Variants in BSCL2 observed in about 807,000 individuals in gnomAD.
BSCL2 encodes BSCL2 lipid droplet biogenesis associated, seipin.
Under a neutral mutation model 57.4 loss-of-function variants are expected in BSCL2, and 41 were observed. That is an observed-to-expected ratio of 0.71 (90% CI 0.56 to 0.93). The LOEUF is 0.93. Ranked by LOEUF, BSCL2 falls within the 40% of genes least tolerant of loss-of-function variation. The pLI, the probability that BSCL2 is intolerant of heterozygous loss-of-function variation, is 0.00. For missense variants in BSCL2, 539 were observed against 586.7 expected (o/e 0.92, Z 0.84); for synonymous variants, 237 against 227.3 (o/e 1.04, Z -0.38).
Position 62,690,288 on chromosome 11 carries a change from AAT to A in BSCL2, c.*77_*78del. ...AGAGTCAAGGAAGAAGCTGACACAA[AAT>A]AGTTTATTGAAGGAAAAACGAGGGG... is the stretch of plus-strand genomic sequence containing the variant. On this transcript the variant is annotated 3_prime_UTR_variant, in exon 11 of 11. Transcript: ENST00000360796. 3 of 1,597,964 alleles carry A rather than the reference AAT, an allele frequency of 1.9e-6. No individual in the cohort carries two copies. The highest frequency in any genetic ancestry group is 2.6e-6 in the Non-Finnish European group (3 of 1,167,676).
At position 62,707,362 on chromosome 11, in the gene BSCL2, G is replaced by A. The variant is rs1334977876; in HGVS notation, c.-167C>T. 1 of 730,926 alleles carries A rather than the reference G, an allele frequency of 1.4e-6. No homozygotes were observed. The highest frequency in any genetic ancestry group is 2.4e-6 in the Non-Finnish European group (1 of 409,632). The allele number at this position is 730,926 out of a possible 1,614,324, so 45.3% of individuals were successfully genotyped here. On this transcript the variant is annotated 5_prime_UTR_variant, in exon 1 of 11. Transcript: ENST00000360796. ...CGAAGATTCAGGTGCTAAGTGCTGTGTCAGAGTAGAGGGAGGAAAGGAGGA... is the reference window on the plus strand; with the variant it reads ...CGAAGATTCAGGTGCTAAGTGCTGTATCAGAGTAGAGGGAGGAAAGGAGGA...
intron 6 of BSCL2, 44 bp downstream of exon 6, chr11:62,692,332 C>T (rs1945333333): frequency 6.3e-7 from 1 of 1,590,202 alleles, no homozygotes; most frequent in East Asian, 2.2e-5. Context: ...GAAGGTTAGC[C>T]CCCGTGAAGA....
At chr11:62,692,513 C>T (rs1225707846) in intron 5 of BSCL2, 40 bp from the exon 6 acceptor site, 2 of 1,611,026 alleles carry the variant, frequency 1.2e-6, no homozygotes, top group Admixed American at 1.7e-5. Flanking sequence ...AGGCCAGGGT[C>T]CTGCCGCTAG....
In BSCL2 at chr11:62,690,488, G is replaced by A. The variant is rs1266361176; in HGVS notation, c.1268C>T (p.Thr423Met). Residue 423 changes from threonine to methionine, a missense_variant, in exon 11 of 11, where the codon ACG becomes ATG. Coordinates refer to ENST00000360796, the MANE Select transcript of BSCL2 (RefSeq NM_001122955.4). ...AGCAGGAGCAGGCAGGTTGGCCTCCGTCAGCAAAGCTGCATCTTCCCAGGA... is the reference window on the plus strand; with the variant it reads ...AGCAGGAGCAGGCAGGTTGGCCTCCATCAGCAAAGCTGCATCTTCCCAGGA... ...SGSWEDAALLTEANLPAPAPA... is the reference protein window; with the variant it reads ...SGSWEDAALLMEANLPAPAPA... 8.1e-6 allele frequency: 13 copies of A among 1,614,146 alleles called. No individual in the cohort carries two copies. Among genetic ancestry groups the A allele is most frequent in the South Asian group, 2.2e-5 (2 of 91,086 alleles).
intron 1 of BSCL2, chr11:62,706,245 G>C (rs949745101): frequency 9.2e-7 from 1 of 1,091,934 alleles, no homozygotes; most frequent in Non-Finnish European, 1.1e-6. Context: ...GCTGCCACAG[G>C]GCTGCCGACT....
chr11:62,705,152 T>A, intron 2 of BSCL2, 149 bp downstream of exon 2: 1 of 762,358 alleles, frequency 1.3e-6, no homozygotes, highest in Non-Finnish European at 2.1e-6. Flanking sequence ...AACCCAAATC[T>A]AGCCTTGGGC....
At chr11:62,690,915 G>A in intron 8 of BSCL2, 48 bp from the exon 9 acceptor site, 1 of 1,603,696 alleles carries the variant, frequency 6.2e-7, no homozygotes, top group Non-Finnish European at 8.5e-7. Flanking sequence ...GGGTGGCTGT[G>A]CCTGGACGGC....
chr11:62,708,519 C>T, upstream of BSCL2: 1 of 1,234,520 alleles, frequency 8.1e-7, no homozygotes, highest in Non-Finnish European at 1.2e-6. Context: ...GAGTCTGGGG[C>T]TCTGTAGAGA....
rs763972632 is a variant in BSCL2 at position 62,690,444 on chromosome 11, G to A, written c.1312C>T (p.Pro438Ser). The A allele has an allele frequency of 6.8e-6, 11 of 1,614,166 alleles. No homozygotes were observed. The highest frequency in any genetic ancestry group is 1.1e-5 in the South Asian group (1 of 91,090). ...GAGCTGCCCAGAGTCTCTAGGACAGGGGCAGAAGCAGAAGCAGGAGCAGGA... is the reference window on the plus strand; with the variant it reads ...GAGCTGCCCAGAGTCTCTAGGACAGAGGCAGAAGCAGAAGCAGGAGCAGGA... ...PAPAPASASA[P>S]VLETLGSSEP... The change falls in exon 11 of 11, where the codon CCT becomes TCT. Residue 438 changes from proline (P) to serine (S), a missense_variant. Physicochemically the swap from Pro to Ser is moderately conservative, Grantham distance 74. Transcript: ENST00000360796.
chr11:62,694,504 C>T, intron 4 of BSCL2, 64 bp downstream of exon 4: 1 of 1,611,544 alleles, frequency 6.2e-7, no homozygotes, highest in South Asian at 1.1e-5. Context: ...CACACCCAGC[C>T]CCCTACCCAT....
chr11:62,695,010 A>G (rs1280815411), intron 3 of BSCL2, among the ~76,000 whole-genome samples: 1 of 152,184 alleles, frequency 6.6e-6, no homozygotes, highest in African/African-American at 2.4e-5. Context: ...CATGTTGCCA[A>G]CTGGGCCATC....
intron 6 of BSCL2, among the ~76,000 whole-genome samples, chr11:62,691,959 G>A (rs1443440406): frequency 6.6e-6 from 1 of 151,844 alleles, no homozygotes; most frequent in Non-Finnish European, 1.5e-5. Flanking sequence ...AGCTGAGGCA[G>A]GAGAATGGTG....
At chr11:62,694,392 G>A (rs1276641230) in intron 4 of BSCL2, among the ~76,000 whole-genome samples, 176 bp downstream of exon 4, 2 of 151,256 alleles carry the variant, frequency 1.3e-5, no homozygotes, top group African/African-American at 4.9e-5. Flanking sequence ...TTTTTGTAGA[G>A]ATGGGTTTCG....
chr11:62,690,278 G>A lies in BSCL2; in HGVS notation c.*89C>T. ...AACCCATTTCAGAGTCAAGGAAGAA[G>A]CTGACACAAAATAGTTTATTGAAGG... On this transcript the variant is annotated 3_prime_UTR_variant, in exon 11 of 11. Coordinates refer to ENST00000360796, the MANE Select transcript of BSCL2 (RefSeq NM_001122955.4). 3.8e-6 allele frequency: 6 copies of A among 1,578,920 alleles called. No homozygotes were observed. Among genetic ancestry groups the A allele is most frequent in the Non-Finnish European group, 5.2e-6 (6 of 1,151,592 alleles).
In BSCL2 at chr11:62,692,387, G is replaced by A; in HGVS notation, c.852C>T (p.Phe284=). 1.2e-6 allele frequency: 2 copies of A among 1,614,182 alleles called. No homozygotes were observed. The highest frequency in any genetic ancestry group is 1.7e-6 in the Non-Finnish European group (2 of 1,180,034). ...AGTTGGCCCCTCACCTGAGCCCAGT[G>A]AAGTGCGCGTGGATGCGGAGGTAGG... is the stretch of plus-strand genomic sequence containing the variant. ...YGAYLRIHAH[F]TGLRYLLYNF... Residue 284 remains phenylalanine (F), a synonymous_variant, in exon 6 of 11, where the codon TTC becomes TTT. Coordinates refer to ENST00000360796, the MANE Select transcript of BSCL2 (RefSeq NM_001122955.4).
chr11:62,690,689 C>G lies in BSCL2; in HGVS notation c.1157G>C (p.Gly386Ala). 6.2e-7 allele frequency: 1 copy of G among 1,613,824 alleles called. No individual in the cohort carries two copies. Among genetic ancestry groups the G allele is most frequent in the East Asian group, 2.2e-5 (1 of 44,890 alleles). Residue 386 changes from glycine to alanine, a missense_variant, in exon 10 of 11, where the codon GGT (glycine) becomes GCT (alanine). Physicochemically the swap from Gly to Ala is moderately conservative, Grantham distance 60 (BLOSUM62 0). Transcript: ENST00000360796. Reference protein sequence around the residue: ...ESPEDPSGTEGQLSEEEKPDQ... With the variant: ...ESPEDPSGTEAQLSEEEKPDQ... ...TGGTTTCTCCTCCTCGGACAGCTGACCCTCTGCAGCCAAAAGGGGAATGCA... is the reference window on the plus strand; with the variant it reads ...TGGTTTCTCCTCCTCGGACAGCTGAGCCTCTGCAGCCAAAAGGGGAATGCA...
intron 3 of BSCL2, among the ~76,000 whole-genome samples, chr11:62,695,642 C>T (rs940109343): frequency 3.0e-5 from 4 of 134,106 alleles, no homozygotes; most frequent in Admixed American, 8.9e-5. Flanking sequence ...ACCCTGGAGG[C>T]GGAGATTGCA....
chr11:62,694,195 CTTTTTTTTTTTTT>C (rs71056545), intron 4 of BSCL2, among the ~76,000 whole-genome samples: 6 of 47,134 alleles, frequency 1.3e-4, no homozygotes, highest in African/African-American at 3.2e-4. Context: ...CCCAGACATT[CTTTTTTTTTTTTT>C]TTTTTTTTTT....
At chr11:62,694,975 C>T (rs775329987) in intron 3 of BSCL2, among the ~76,000 whole-genome samples, 1 of 152,192 alleles carries the variant, frequency 6.6e-6, no homozygotes, top group Non-Finnish European at 1.5e-5. Flanking sequence ...GGCTGTGTCA[C>T]GTTTCTTTTC....
Sources: gnomAD v4.1 joint callset for allele counts (sites outside exome capture counted in the v4.1 genomes callset) on GRCh38, gnomAD v4.1.1 for gene constraint, MANE v1.5 for transcripts, NCBI Gene and HGNC (gene_info 2026-07-23, HGNC 2026-07-21) for gene names.